Variants in LUZP2 observed in about 807,000 individuals in gnomAD.
LUZP2 encodes the protein leucine zipper protein 2.
Under a neutral mutation model 51.6 loss-of-function variants are expected in LUZP2, and 52 were observed. The ratio of observed to expected loss-of-function variants is 1.01; its 90% CI spans 0.81 to 1.27. The LOEUF is 1.27. Among genes scored for constraint, LUZP2 ranks in the 50% most tolerant of loss-of-function variants. LUZP2 has a pLI of 0.00. For synonymous variants in LUZP2, 154 were observed against 137.3 expected (o/e 1.12, Z -0.85); for missense variants, 436 against 395.4 (o/e 1.10, Z -0.87).
intron 1 of LUZP2, among the ~76,000 whole-genome samples, chr11:24,612,836 A>G (rs73433054): frequency 0.019 from 2,923 of 152,214 alleles, 103 homozygotes; most frequent in African/African-American, 0.067. Context: ...TCCATTGGAC[A>G]TATTTCTTTA....
chr11:24,604,918 A>G (rs190074960), intron 1 of LUZP2, among the ~76,000 whole-genome samples: 2 of 151,992 alleles, frequency 1.3e-5, no homozygotes, highest in East Asian at 3.9e-4. Context: ...TGAGATTTTA[A>G]AAAACTCATA....
intron 5 of LUZP2, among the ~76,000 whole-genome samples, chr11:24,807,893 T>G (rs1338834777): frequency 6.6e-6 from 1 of 152,046 alleles, no homozygotes; most frequent in Non-Finnish European, 1.5e-5. Context: ...ATTTTGGGGG[T>G]ATTGTGCTCT....
chr11:24,790,833 T>A (rs80099349), intron 5 of LUZP2, among the ~76,000 whole-genome samples: 7,032 of 152,184 alleles, frequency 0.046, 517 homozygotes, highest in African/African-American at 0.16. Context: ...TGTTAGATAT[T>A]TCTTAAATTT....
At chr11:24,721,225 T>C (rs1858257994) in intron 1 of LUZP2, among the ~76,000 whole-genome samples, 1 of 152,198 alleles carries the variant, frequency 6.6e-6, no homozygotes, top group African/African-American at 2.4e-5. Context: ...AAGGAATTGT[T>C]AGCAAATAAT....
intron 1 of LUZP2, among the ~76,000 whole-genome samples, chr11:24,627,401 A>G (rs1389023681): frequency 6.6e-6 from 1 of 152,154 alleles, no homozygotes; most frequent in African/African-American, 2.4e-5. Flanking sequence ...GTTGTGGGGG[A>G]CCAGGCTTTT....
rs1184931098 is a variant in LUZP2 at position 24,829,547 on chromosome 11, T to C, written c.396+66239T>C. Among the ~76,000 whole-genome samples the C allele has an allele frequency of 1.4e-4, 21 of 152,348 alleles. 1 individual carries two copies. The highest frequency in any genetic ancestry group is 1.5e-5 in the Non-Finnish European group (1 of 68,046). ...ATGTATATACCCATATATACATATA[T>C]AGTTACTCTGTTGCACAAAGAGGGT... is the stretch of plus-strand genomic sequence containing the variant. On this transcript the variant is annotated intron_variant, in intron 5 of 11. Coordinates refer to ENST00000336930, the MANE Select transcript of LUZP2 (RefSeq NM_001009909.4).
intron 1 of LUZP2, among the ~76,000 whole-genome samples, chr11:24,550,524 C>T (rs1176629731): frequency 1.3e-5 from 2 of 151,970 alleles, no homozygotes; most frequent in African/African-American, 4.8e-5. Flanking sequence ...ACCAGATGGC[C>T]AGGCAGCCCA....
rs181958323 is a variant in LUZP2, at chr11:24,652,412, G to A, written c.63-76757G>A. On this transcript the variant is annotated intron_variant, in intron 1 of 11. Coordinates refer to ENST00000336930, the MANE Select transcript of LUZP2 (RefSeq NM_001009909.4). ...CAAAATTGGAGAATTCAGTAGAGAA[G>A]CCTCAATCTTAGATGGACTATGAAG... 8.5e-5 allele frequency among the ~76,000 whole-genome samples: 13 copies of A among 152,158 alleles called. No homozygotes were observed. In the East Asian group the frequency reaches 1.9e-3, roughly 23 times the overall value.
chr11:24,846,133 T>C (rs1284194115), intron 5 of LUZP2, among the ~76,000 whole-genome samples: 1 of 147,994 alleles, frequency 6.8e-6, no homozygotes, highest in African/African-American at 2.5e-5. Context: ...AATTCAAGGA[T>C]ACAAAAGAAA....
chr11:25,035,148 C>T (rs1857812608), intron 9 of LUZP2, among the ~76,000 whole-genome samples: 1 of 152,046 alleles, frequency 6.6e-6, no homozygotes, highest in South Asian at 2.1e-4. Flanking sequence ...CTCATTCTCA[C>T]CACTGATATG....
At chr11:24,926,345 G>GTGTGTATATATATACGTGTGTA (rs1565119248) in intron 7 of LUZP2, among the ~76,000 whole-genome samples, 1 of 44,984 alleles carries the variant, frequency 2.2e-5, no homozygotes, top group Admixed American at 2.7e-4. Flanking sequence ...ATATACGTGT[G>GTGTGTATATATATACGTGTGTA]TATATATATA....
Position 24,776,415 on chromosome 11 carries a change from G to A in LUZP2, c.396+13107G>A, listed in dbSNP as rs1182460809. Among the ~76,000 whole-genome samples the A allele has an allele frequency of 4.6e-5, 7 of 152,198 alleles. No individual in the cohort carries two copies. In the East Asian group the frequency reaches 9.7e-4, roughly 21 times the overall value. On this transcript the variant is annotated intron_variant, in intron 5 of 11. Coordinates refer to ENST00000336930, the MANE Select transcript of LUZP2 (RefSeq NM_001009909.4). ...GAGTCACATTTCTGCTCTTATGTTG[G>A]ATGAAATTTACCCTACTCAAAACAC... is the stretch of plus-strand genomic sequence containing the variant.
chr11:24,687,932 C>G (rs1856943333), intron 1 of LUZP2, among the ~76,000 whole-genome samples: 1 of 152,112 alleles, frequency 6.6e-6, no homozygotes, highest in Non-Finnish European at 1.5e-5. Context: ...ACAGCACCCC[C>G]TTAGTTTCCT....
At chr11:24,826,195 A>ATATATATATATG (rs1850535381) in intron 5 of LUZP2, among the ~76,000 whole-genome samples, 1 of 134,778 alleles carries the variant, frequency 7.4e-6, no homozygotes, top group African/African-American at 2.7e-5. Context: ...AAAAAAATAT[A>ATATATATATATG]TATATATATA....
intron 1 of LUZP2, among the ~76,000 whole-genome samples, chr11:24,510,146 G>T (rs1387780441): frequency 6.6e-6 from 1 of 152,180 alleles, no homozygotes; most frequent in Admixed American, 6.5e-5. Flanking sequence ...CACCAAAGTT[G>T]CTTTGGAACC....
At chr11:25,005,901 G>A (rs143760774) in intron 9 of LUZP2, among the ~76,000 whole-genome samples, 17 of 152,068 alleles carry the variant, frequency 1.1e-4, no homozygotes, top group South Asian at 2.1e-4. Flanking sequence ...TGTTAGTATC[G>A]GGATCTTACC....
At chr11:24,504,204 A>T (rs1237819847) in intron 1 of LUZP2, among the ~76,000 whole-genome samples, 1 of 152,190 alleles carries the variant, frequency 6.6e-6, no homozygotes, top group East Asian at 1.9e-4. Context: ...ACATTTGCTG[A>T]TATAAATCTC....
At chr11:24,955,618 A>G (rs1293265933) in intron 7 of LUZP2, among the ~76,000 whole-genome samples, 1 of 152,042 alleles carries the variant, frequency 6.6e-6, no homozygotes, top group Non-Finnish European at 1.5e-5. Context: ...ACTTTACACA[A>G]TCTTCCTGGA....
intron 1 of LUZP2, 122 bp from the exon 2 acceptor site, chr11:24,729,047 C>T: frequency 2.0e-6 from 1 of 493,320 alleles, no homozygotes. Context: ...GACAACAAAA[C>T]CATCTTAGTA....
Sources: allele counts gnomAD v4.1 joint callset (sites outside exome capture counted in the v4.1 genomes callset), GRCh38; gene constraint gnomAD v4.1.1; transcripts MANE v1.5; gene names NCBI Gene and HGNC (gene_info 2026-07-23, HGNC 2026-07-21).